Variants in OXR1 observed in about 807,000 individuals in gnomAD.
OXR1 encodes oxidation resistance protein 1.
OXR1 carries 41 observed loss-of-function variants against 104.6 expected under a neutral mutation model. That is an observed-to-expected ratio of 0.39 (90% confidence interval 0.31 to 0.51). The LOEUF (loss-of-function observed/expected upper bound fraction) is 0.51. Ranked by LOEUF, OXR1 falls within the 20% of genes least tolerant of loss-of-function variation. The pLI is 0.77. For synonymous variants in OXR1, 348 were observed against 348.4 expected (o/e 1.00, Z 0.01); for missense variants, 955 against 1,031.9 (o/e 0.93, Z 1.02).
At chr8:106,441,382 G>C (rs538511976) in intron 2 of OXR1, among the ~76,000 whole-genome samples, 1 of 152,198 alleles carries the variant, frequency 6.6e-6, no homozygotes, top group East Asian at 1.9e-4. Context: ...TTTTGCTTAG[G>C]ATTTTCTTGG....
chr8:106,427,164 A>AATTT lies in OXR1; in HGVS notation c.23+67549_23+67552dup, dbSNP rs577840510. Among the ~76,000 whole-genome samples, 223 of 151,784 alleles carry AATTT rather than the reference A, an allele frequency of 1.5e-3. 1 individual carries two copies. Among genetic ancestry groups the AATTT allele is most frequent in the South Asian group, 7.5e-3 (36 of 4,782 alleles). On this transcript the variant is annotated intron_variant, in intron 2 of 16. Coordinates refer to ENST00000517566, the MANE Select transcript of OXR1 (RefSeq NM_001198533.2). Reference sequence around the variant, plus strand: ...GGTCTCAGACTCATCTCTCCTCATGAATTTATTTATTTATTTATTTATTTT... The same window carrying AATTT: ...GGTCTCAGACTCATCTCTCCTCATGAATTTATTTATTTATTTATTTATTTATTTT...
At chr8:106,678,692 TG>T (rs1448472130) in intron 3 of OXR1, among the ~76,000 whole-genome samples, 1 of 152,038 alleles carries the variant, frequency 6.6e-6, no homozygotes, top group Non-Finnish European at 1.5e-5. Context: ...TGTTTCTATA[TG>T]AAAGCACACC....
At chr8:106,648,462 T>C (rs1429074797) in intron 3 of OXR1, among the ~76,000 whole-genome samples, 1 of 152,250 alleles carries the variant, frequency 6.6e-6, no homozygotes, top group African/African-American at 2.4e-5. Flanking sequence ...ATTCTTTTAG[T>C]ATAAAAATAT....
At chr8:106,423,386 C>G (rs1232939824) in intron 2 of OXR1, among the ~76,000 whole-genome samples, 1 of 152,118 alleles carries the variant, frequency 6.6e-6, no homozygotes, top group Non-Finnish European at 1.5e-5. Flanking sequence ...CAGGTGTTCA[C>G]TCTTGGAACT....
chr8:106,547,076 A>C (rs1313851571), intron 3 of OXR1, among the ~76,000 whole-genome samples: 1 of 152,132 alleles, frequency 6.6e-6, no homozygotes, highest in African/African-American at 2.4e-5. Context: ...TTTTTAGTAG[A>C]GACCGGGTTT....
intron 2 of OXR1, among the ~76,000 whole-genome samples, chr8:106,367,814 C>A (rs1816539034): frequency 6.6e-6 from 1 of 151,904 alleles, no homozygotes; most frequent in South Asian, 2.1e-4. Flanking sequence ...GACATTTAAG[C>A]AGAAATGAAC....
chr8:106,430,251 T>C (rs1819306262), intron 2 of OXR1, among the ~76,000 whole-genome samples: 3 of 152,166 alleles, frequency 2.0e-5, no homozygotes, highest in Non-Finnish European at 2.9e-5. Flanking sequence ...AAAAGGGAAA[T>C]GATGGAATGG....
intron 1 of OXR1, among the ~76,000 whole-genome samples, chr8:106,348,488 A>T (rs1233464307): frequency 6.6e-5 from 10 of 152,156 alleles, no homozygotes; most frequent in Non-Finnish European, 1.5e-4. Flanking sequence ...TATTTTAAAA[A>T]ATTTAATCTG....
chr8:106,341,420 CAGT>C (rs942910375), intron 1 of OXR1, among the ~76,000 whole-genome samples: 4 of 130,254 alleles, frequency 3.1e-5, no homozygotes, highest in African/African-American at 1.3e-4. Flanking sequence ...TTCTAACAAA[CAGT>C]ATTATTAAAA....
chr8:106,290,533 T>C (rs1298389681), intron 1 of OXR1, among the ~76,000 whole-genome samples: 2 of 152,038 alleles, frequency 1.3e-5, no homozygotes, highest in Middle Eastern at 3.2e-3. Flanking sequence ...GGAGAAAATA[T>C]TCACAAACTA....
intron 2 of OXR1, among the ~76,000 whole-genome samples, chr8:106,429,029 A>G (rs1819251048): frequency 6.6e-6 from 1 of 152,154 alleles, no homozygotes; most frequent in South Asian, 2.1e-4. Flanking sequence ...TCATTACGCT[A>G]CTTATCTAAA....
intron 2 of OXR1, among the ~76,000 whole-genome samples, chr8:106,388,639 T>C (rs1223547997): frequency 6.6e-6 from 1 of 152,058 alleles, no homozygotes; most frequent in African/African-American, 2.4e-5. Flanking sequence ...GGCCAGGCTG[T>C]TCTCAAACTC....
chr8:106,675,499 C>G (rs1308640987), intron 3 of OXR1, among the ~76,000 whole-genome samples: 1 of 152,112 alleles, frequency 6.6e-6, no homozygotes, highest in Non-Finnish European at 1.5e-5. Flanking sequence ...TATGTTATAT[C>G]TTTGTTCTTA....
At chr8:106,633,149 T>C (rs1822836485) in intron 3 of OXR1, among the ~76,000 whole-genome samples, 1 of 151,726 alleles carries the variant, frequency 6.6e-6, no homozygotes, top group Non-Finnish European at 1.5e-5. Context: ...AGAGAATTGC[T>C]TGAACCCGGG....
chr8:106,582,395 C>A (rs1163956909), intron 3 of OXR1, among the ~76,000 whole-genome samples: 1 of 151,704 alleles, frequency 6.6e-6, no homozygotes, highest in Non-Finnish European at 1.5e-5. Context: ...AAATAGCAAA[C>A]CTGGGGACAA....
intron 1 of OXR1, among the ~76,000 whole-genome samples, chr8:106,303,425 A>C (rs1813344178): frequency 6.6e-6 from 1 of 151,092 alleles, no homozygotes; most frequent in Admixed American, 6.6e-5. Context: ...TTTTTAGTAG[A>C]GACGGGGTTT....
chr8:106,377,392 C>T (rs985556225), intron 2 of OXR1, among the ~76,000 whole-genome samples: 19 of 152,082 alleles, frequency 1.2e-4, no homozygotes, highest in African/African-American at 4.3e-4. Context: ...CACTTTGTTG[C>T]CCAGGCTGAT....
At chr8:106,382,036 G>A (rs1002610973) in intron 2 of OXR1, among the ~76,000 whole-genome samples, 4 of 152,160 alleles carry the variant, frequency 2.6e-5, no homozygotes, top group African/African-American at 9.7e-5. Flanking sequence ...GTTTATATAT[G>A]AAGCTTTCTT....
chr8:106,622,774 T>C (rs1284470135), intron 3 of OXR1, among the ~76,000 whole-genome samples: 1 of 152,210 alleles, frequency 6.6e-6, no homozygotes, highest in Non-Finnish European at 1.5e-5. Flanking sequence ...TTTTTTCTTT[T>C]TCTCCTTACA....
Sources: gnomAD v4.1 joint callset for allele counts (sites outside exome capture counted in the v4.1 genomes callset) on GRCh38, gnomAD v4.1.1 for gene constraint, MANE v1.5 for transcripts, NCBI Gene and HGNC (gene_info 2026-07-23, HGNC 2026-07-21) for gene names.